Variants in GNAI1 observed in about 807,000 individuals in gnomAD.
GNAI1 encodes G protein subunit alpha i1.
Under a neutral mutation model 38.9 loss-of-function variants are expected in GNAI1, and 11 were observed. The ratio of observed to expected loss-of-function variants is 0.28; its 90% CI spans 0.18 to 0.47. GNAI1 has a LOEUF of 0.47. Ranked by LOEUF, GNAI1 falls within the 20% of genes least tolerant of loss-of-function variation. The pLI is 0.99. For synonymous variants in GNAI1, 166 were observed against 145.1 expected (o/e 1.14, Z -1.04); for missense variants, 317 against 436.9 (o/e 0.73, Z 2.45).
At chr7:80,138,888 T>C (rs575234349) in intron 1 of GNAI1, among the ~76,000 whole-genome samples, 16 of 152,218 alleles carry the variant, frequency 1.1e-4, no homozygotes, top group Admixed American at 1.0e-3. Flanking sequence ...TTTCTTCTGT[T>C]TGGTGGATAT....
chr7:80,213,318 T>C (rs1788904331), intron 7 of GNAI1, among the ~76,000 whole-genome samples: 1 of 152,176 alleles, frequency 6.6e-6, no homozygotes, highest in African/African-American at 2.4e-5. Flanking sequence ...TTGAGGCAGC[T>C]AACTCTTCCA....
intron 1 of GNAI1, among the ~76,000 whole-genome samples, chr7:80,172,943 AT>A (rs750528807): frequency 6.0e-4 from 91 of 152,314 alleles, no homozygotes; most frequent in Admixed American, 1.1e-3. Flanking sequence ...ACTGCCAGTT[AT>A]CCCCCCAATA....
intron 1 of GNAI1, among the ~76,000 whole-genome samples, chr7:80,153,848 C>G (rs1364628992): frequency 1.3e-5 from 2 of 152,140 alleles, no homozygotes; most frequent in Admixed American, 6.5e-5. Flanking sequence ...AGAAATATTT[C>G]AGGCAGGCAA....
intron 4 of GNAI1, among the ~76,000 whole-genome samples, chr7:80,200,444 A>G (rs1305627819): frequency 6.6e-6 from 1 of 151,808 alleles, no homozygotes; most frequent in Non-Finnish European, 1.5e-5. Flanking sequence ...AATGTCCTAT[A>G]TGATATGTAT....
At chr7:80,182,936 C>A (rs1163951834) in intron 1 of GNAI1, among the ~76,000 whole-genome samples, 1 of 152,164 alleles carries the variant, frequency 6.6e-6, no homozygotes, top group Non-Finnish European at 1.5e-5. Context: ...GAAAAAGAAA[C>A]TTCTATCTTT....
intron 1 of GNAI1, among the ~76,000 whole-genome samples, chr7:80,153,054 T>C (rs1787756223): frequency 6.6e-6 from 1 of 152,216 alleles, no homozygotes; most frequent in African/African-American, 2.4e-5. Flanking sequence ...TTAGAAAGAT[T>C]TTTTTAACAT....
chr7:80,176,847 G>C (rs1179170151), intron 1 of GNAI1, among the ~76,000 whole-genome samples: 1 of 147,176 alleles, frequency 6.8e-6, no homozygotes, highest in Non-Finnish European at 1.5e-5. Flanking sequence ...TGAGGCAGGA[G>C]AATCTCTTGA....
chr7:80,202,082 T>A (rs1354833173), intron 4 of GNAI1, among the ~76,000 whole-genome samples: 1 of 152,056 alleles, frequency 6.6e-6, no homozygotes, highest in East Asian at 1.9e-4. Context: ...TTTTTTGTTG[T>A]TGTTGTTTCT....
chr7:80,135,967 G>T (rs1787407176), intron 1 of GNAI1: 1 of 985,300 alleles, frequency 1.0e-6, no homozygotes, highest in Non-Finnish European at 1.2e-6. Flanking sequence ...AGTAGGCAAG[G>T]CAGATACTCG....
intron 1 of GNAI1, among the ~76,000 whole-genome samples, chr7:80,150,826 A>C (rs959443888): frequency 2.6e-5 from 4 of 152,008 alleles, no homozygotes; most frequent in Non-Finnish European, 5.9e-5. Flanking sequence ...TTTACTCCTT[A>C]TTGCATTGCA....
At chr7:80,163,384 T>G (rs537998614) in intron 1 of GNAI1, among the ~76,000 whole-genome samples, 50 of 152,358 alleles carry the variant, frequency 3.3e-4, no homozygotes, top group African/African-American at 1.1e-3. Flanking sequence ...TTGCTTGATC[T>G]CTACATGTCC....
chr7:80,191,842 G>T (rs1000595275), intron 3 of GNAI1, among the ~76,000 whole-genome samples: 1 of 152,146 alleles, frequency 6.6e-6, no homozygotes, highest in African/African-American at 2.4e-5. Flanking sequence ...TTTAGTATCC[G>T]TTCATAAGTG....
intron 1 of GNAI1, among the ~76,000 whole-genome samples, chr7:80,157,310 C>T (rs1787836005): frequency 6.6e-6 from 1 of 152,076 alleles, no homozygotes; most frequent in African/African-American, 2.4e-5. Flanking sequence ...GAATAATATT[C>T]CGTTGTTTGA....
chr7:80,199,046 G>A (rs1788633240), intron 3 of GNAI1, among the ~76,000 whole-genome samples, 179 bp from the exon 4 acceptor site: 1 of 151,942 alleles, frequency 6.6e-6, no homozygotes, highest in African/African-American at 2.4e-5. Flanking sequence ...TGTGATTATT[G>A]TCTTTTGGTC....
intron 1 of GNAI1, among the ~76,000 whole-genome samples, chr7:80,152,843 T>A (rs970325017): frequency 1.9e-4 from 29 of 152,148 alleles, no homozygotes; most frequent in African/African-American, 5.5e-4. Context: ...AGTGCTGGGA[T>A]TACAGGCATG....
At chr7:80,197,011 G>A (rs982790451) in intron 3 of GNAI1, among the ~76,000 whole-genome samples, 1 of 151,678 alleles carries the variant, frequency 6.6e-6, no homozygotes, top group South Asian at 2.1e-4. Flanking sequence ...CTTCAGTCTG[G>A]ACTTCTGTAG....
At position 80,217,993 on chromosome 7, in the gene GNAI1, C is replaced by T. The variant is rs1789002279; in HGVS notation, c.*500C>T. The T allele has an allele frequency of 5.2e-5, 8 of 152,560 alleles. 2 individuals are homozygous for T. 9.5% of individuals were successfully genotyped at this position (152,560 alleles called of 1,614,324 possible). ...TATTAGGAAACATTACAGCCCTTATCTAGATTATATGTATACTTGTATTAA... is the reference window on the plus strand; with the variant it reads ...TATTAGGAAACATTACAGCCCTTATTTAGATTATATGTATACTTGTATTAA... On this transcript the variant is annotated 3_prime_UTR_variant, in exon 8 of 8. Coordinates refer to ENST00000649796, the MANE Select transcript of GNAI1 (RefSeq NM_002069.6).
At chr7:80,158,942 G>A (rs756733633) in intron 1 of GNAI1, among the ~76,000 whole-genome samples, 1 of 152,074 alleles carries the variant, frequency 6.6e-6, no homozygotes, top group South Asian at 2.1e-4. Flanking sequence ...TCACAGTGGC[G>A]ATGTCTTCTA....
intron 6 of GNAI1, among the ~76,000 whole-genome samples, chr7:80,211,635 T>C (rs954722733): frequency 2.0e-5 from 3 of 152,066 alleles, no homozygotes; most frequent in Non-Finnish European, 4.4e-5. Flanking sequence ...GCCAGGTTGG[T>C]CAGAAACTCC....
Sources: gnomAD v4.1 joint callset for allele counts (sites outside exome capture counted in the v4.1 genomes callset) on GRCh38, gnomAD v4.1.1 for gene constraint, MANE v1.5 for transcripts, NCBI Gene and HGNC (gene_info 2026-07-23, HGNC 2026-07-21) for gene names.